Variants in SACM1L observed in about 807,000 individuals in gnomAD.
SACM1L encodes the protein SAC1 like phosphatidylinositide phosphatase, also known as phosphatidylinositol-3-phosphatase SAC1.
A neutral mutation model predicts 89.5 loss-of-function variants in SACM1L; 32 were observed. That is an observed-to-expected ratio of 0.36 (90% confidence interval 0.27 to 0.48). The LOEUF is 0.48. Ranked by LOEUF, SACM1L falls within the 20% of genes least tolerant of loss-of-function variation. SACM1L has a pLI of 0.99. For missense variants in SACM1L, 543 were observed against 708.5 expected (o/e 0.77, Z 2.65); for synonymous variants, 213 against 232.8 (o/e 0.92, Z 0.77).
intron 1 of SACM1L, among the ~76,000 whole-genome samples, chr3:45,696,377 A>T (rs1339572897): frequency 1.3e-5 from 2 of 152,228 alleles, no homozygotes; most frequent in Admixed American, 1.3e-4. Context: ...TAATAGACAC[A>T]TAGGTGGCTT....
rs1298285972 is a variant in SACM1L at position 45,743,540 on chromosome 3, T to C, written c.1635T>C (p.Thr545=). 6.2e-7 allele frequency: 1 copy of C among 1,609,426 alleles called. No individual in the cohort carries two copies. ...GTTTCTTAATATCAACAGGTGACAC[T>C]TGGACAGAAACACTGGCCTATGTGC... ...CIICLLMAGD[T]WTETLAYVLF... The change falls in exon 20 of 20, where the codon ACT becomes ACC. Residue 545 remains threonine (T), a synonymous_variant. Coordinates refer to ENST00000389061, the MANE Select transcript of SACM1L (RefSeq NM_014016.5).
At chr3:45,714,858 C>T (rs2673033) in intron 7 of SACM1L, among the ~76,000 whole-genome samples, 1 of 151,984 alleles carries the variant, frequency 6.6e-6, no homozygotes, top group African/African-American at 2.4e-5. Context: ...ACAATATGCT[C>T]ATGAGTGCCT....
chr3:45,731,433 A>G (rs1699051632), intron 12 of SACM1L, 53 bp downstream of exon 12: 2 of 1,191,070 alleles, frequency 1.7e-6, no homozygotes, highest in Admixed American at 1.8e-5. Context: ...GTGCACTTAC[A>G]TATATGCATG....
chr3:45,733,313 G>A (rs1157839445), intron 13 of SACM1L, among the ~76,000 whole-genome samples: 1 of 152,182 alleles, frequency 6.6e-6, no homozygotes, highest in Non-Finnish European at 1.5e-5. Flanking sequence ...ACACACCTTG[G>A]TTTGAATTTA....
chr3:45,698,126 C>T (rs1030459783), intron 1 of SACM1L, among the ~76,000 whole-genome samples: 1 of 151,984 alleles, frequency 6.6e-6, no homozygotes, highest in African/African-American at 2.4e-5. Flanking sequence ...TGAAATGAAG[C>T]CCAGGAAGCA....
At chr3:45,741,708 CTTATTA>C (rs1162973109) in intron 19 of SACM1L, among the ~76,000 whole-genome samples, 1 of 152,062 alleles carries the variant, frequency 6.6e-6, no homozygotes. Flanking sequence ...AAAGAGCCAT[CTTATTA>C]TTATTATAGT....
intron 13 of SACM1L, 26 bp downstream of exon 13, chr3:45,732,177 G>A: frequency 7.1e-7 from 1 of 1,406,532 alleles, no homozygotes; most frequent in African/African-American, 1.4e-5. Context: ...TCCTTAAGGA[G>A]GTAGAGGGAA....
chr3:45,698,755 TG>T (rs1161192767), intron 1 of SACM1L, among the ~76,000 whole-genome samples: 1 of 152,120 alleles, frequency 6.6e-6, no homozygotes, highest in African/African-American at 2.4e-5. Context: ...TTCACCATGT[TG>T]GCCAGGCTGG....
At chr3:45,694,986 A>G (rs1203901754) in intron 1 of SACM1L, among the ~76,000 whole-genome samples, 1 of 152,160 alleles carries the variant, frequency 6.6e-6, no homozygotes, top group African/African-American at 2.4e-5. Context: ...GAGTCTTTCT[A>G]GAAACACCAA....
chr3:45,702,727 T>C lies in SACM1L; in HGVS notation c.33-711T>C, dbSNP rs113653158. On this transcript the variant is annotated intron_variant, in intron 1 of 19. Transcript: ENST00000389061. ...TTAAGTTGTTTCTTGAGAAACCAAC[T>C]GTTATTTTTGTTAGACTCTAATTAC... is the stretch of plus-strand genomic sequence containing the variant. 6.8e-3 allele frequency among the ~76,000 whole-genome samples: 1,039 copies of C among 152,358 alleles called. 18 individuals carry two copies. Among genetic ancestry groups the C allele is most frequent in the African/African-American group, 0.022 (918 of 41,570 alleles).
chr3:45,708,529 T>C (rs1193698760), intron 4 of SACM1L, among the ~76,000 whole-genome samples: 1 of 152,056 alleles, frequency 6.6e-6, no homozygotes, highest in African/African-American at 2.4e-5. Context: ...ACTGCCTACC[T>C]GAGTAAAACT....
intron 1 of SACM1L, among the ~76,000 whole-genome samples, chr3:45,694,278 T>C (rs1698070711): frequency 6.6e-6 from 1 of 152,234 alleles, no homozygotes; most frequent in South Asian, 2.1e-4. Context: ...AGAGTACTGT[T>C]TCCTCAGGAA....
intron 7 of SACM1L, among the ~76,000 whole-genome samples, chr3:45,715,554 T>A (rs1489832347): frequency 6.6e-6 from 1 of 152,150 alleles, no homozygotes; most frequent in Non-Finnish European, 1.5e-5. Flanking sequence ...GGCCGGCAGA[T>A]CATGAGGTCA....
intron 1 of SACM1L, among the ~76,000 whole-genome samples, chr3:45,702,487 C>T (rs1035451898): frequency 6.6e-6 from 1 of 152,336 alleles, no homozygotes; most frequent in Non-Finnish European, 1.5e-5. Flanking sequence ...TTCTTGGACT[C>T]AGCCTCCCTC....
At chr3:45,720,270 C>G (rs184838331) in intron 8 of SACM1L, among the ~76,000 whole-genome samples, 2,454 of 152,146 alleles carry the variant, frequency 0.016, 35 homozygotes, top group Non-Finnish European at 0.024. Flanking sequence ...GATCACAAAC[C>G]AAAATTAAAG....
intron 1 of SACM1L, among the ~76,000 whole-genome samples, chr3:45,699,265 TA>T (rs893141054): frequency 6.6e-6 from 1 of 151,464 alleles, no homozygotes. Flanking sequence ...ACATGTACCC[TA>T]AAACTTAAAG....
chr3:45,740,774 T>C (rs970396123), intron 19 of SACM1L, among the ~76,000 whole-genome samples: 1 of 152,214 alleles, frequency 6.6e-6, no homozygotes, highest in Admixed American at 6.5e-5. Flanking sequence ...TTTTTTTCAC[T>C]GAGCAGTATG....
chr3:45,691,888 A>G (rs1698000402), intron 1 of SACM1L, among the ~76,000 whole-genome samples: 1 of 152,058 alleles, frequency 6.6e-6, no homozygotes, highest in Non-Finnish European at 1.5e-5. Context: ...TTTATCCTCT[A>G]CTTTCCTGCT....
At chr3:45,701,142 A>T (rs1280130127) in intron 1 of SACM1L, among the ~76,000 whole-genome samples, 2 of 152,080 alleles carry the variant, frequency 1.3e-5, no homozygotes, top group East Asian at 3.8e-4. Flanking sequence ...TTTTAAAAAC[A>T]TTTCTTTAAT....
Sources: gnomAD v4.1 joint callset for allele counts (sites outside exome capture counted in the v4.1 genomes callset) on GRCh38, gnomAD v4.1.1 for gene constraint, MANE v1.5 for transcripts, NCBI Gene and HGNC (gene_info 2026-07-23, HGNC 2026-07-21) for gene names.